Variants in PRR16 observed in about 807,000 individuals in gnomAD.
PRR16 encodes the protein protein Largen.
Under a neutral mutation model 18.2 loss-of-function variants are expected in PRR16, and 6 were observed. The observed-to-expected ratio is 0.33, with a 90% CI of 0.18 to 0.65. The LOEUF is 0.65. Ranked by LOEUF, PRR16 falls within the 30% of genes least tolerant of loss-of-function variation. The pLI is 0.74. For missense variants in PRR16, 412 were observed against 376.6 expected (o/e 1.09, Z -0.78); for synonymous variants, 151 against 147.8 (o/e 1.02, Z -0.16).
intron 1 of PRR16, among the ~76,000 whole-genome samples, chr5:120,661,815 A>G (rs1364972010): frequency 6.6e-6 from 1 of 151,984 alleles, no homozygotes; most frequent in Non-Finnish European, 1.5e-5. Flanking sequence ...GAATTCCCCA[A>G]CCATTGTTTT....
the PRR16 span, among the ~76,000 whole-genome samples, chr5:120,702,464 CAAG>C: frequency 6.6e-6 from 1 of 151,250 alleles, no homozygotes; most frequent in Non-Finnish European, 1.5e-5. Flanking sequence ...GGGGTAGAGA[CAAG>C]GAGAGAAGGG....
At chr5:120,471,880 G>C (rs893312132) in intron 1 of PRR16, among the ~76,000 whole-genome samples, 2 of 152,082 alleles carry the variant, frequency 1.3e-5, no homozygotes, top group Non-Finnish European at 2.9e-5. Flanking sequence ...AGACTCACAA[G>C]GTAGTCTGTC....
At chr5:120,487,430 A>G (rs980285288) in intron 1 of PRR16, among the ~76,000 whole-genome samples, 4 of 152,094 alleles carry the variant, frequency 2.6e-5, no homozygotes, top group African/African-American at 9.7e-5. Context: ...GCGTTCACTC[A>G]TGGTTTGGCT....
chr5:120,511,061 G>T (rs1210851756), intron 1 of PRR16, among the ~76,000 whole-genome samples: 1 of 152,054 alleles, frequency 6.6e-6, no homozygotes, highest in Non-Finnish European at 1.5e-5. Context: ...ATACACAAGC[G>T]CCCAGAAACT....
intron 1 of PRR16, among the ~76,000 whole-genome samples, chr5:120,579,215 G>A (rs1323717199): frequency 6.6e-6 from 1 of 152,100 alleles, no homozygotes; most frequent in Non-Finnish European, 1.5e-5. Flanking sequence ...TGTTCACTCT[G>A]ATGATAGTTT....
the PRR16 span, among the ~76,000 whole-genome samples, chr5:120,750,008 C>T: frequency 6.6e-6 from 1 of 152,004 alleles, no homozygotes; most frequent in African/African-American, 2.4e-5. Context: ...TGTTTGAAGC[C>T]AGAAAAAAAT....
At chr5:120,551,739 G>T (rs1416955220) in intron 1 of PRR16, among the ~76,000 whole-genome samples, 1 of 151,944 alleles carries the variant, frequency 6.6e-6, no homozygotes, top group Non-Finnish European at 1.5e-5. Context: ...TGGAACTAAT[G>T]TCAATGCAGG....
Position 120,485,852 on chromosome 5 carries a change from A to T in PRR16, c.159+21207A>T, listed in dbSNP as rs534175774. ...GTGTGATGTTCCCCTTCCTGTGTCC[A>T]TGTGTTCTCATTGTTCAATTCCCAC... On this transcript the variant is annotated intron_variant, in intron 1 of 1. Transcript: ENST00000407149. Among the ~76,000 whole-genome samples, 12 of 152,022 alleles carry T rather than the reference A, an allele frequency of 7.9e-5. No individual in the cohort carries two copies. The South Asian group carries it at 2.5e-3, about 32-fold the overall frequency.
chr5:120,754,584 TATTA>T, the PRR16 span, among the ~76,000 whole-genome samples: 1 of 106,544 alleles, frequency 9.4e-6, no homozygotes, highest in African/African-American at 3.7e-5. Context: ...ATATTTTATA[TATTA>T]TATATAATAT....
At chr5:120,652,273 A>G (rs960853446) in intron 1 of PRR16, among the ~76,000 whole-genome samples, 6 of 152,110 alleles carry the variant, frequency 3.9e-5, no homozygotes, top group Non-Finnish European at 7.4e-5. Context: ...GACATCATGA[A>G]TTGGACCTGT....
At chr5:120,782,019 C>A in the PRR16 span, among the ~76,000 whole-genome samples, 2 of 152,044 alleles carry the variant, frequency 1.3e-5, no homozygotes, top group Non-Finnish European at 2.9e-5. Flanking sequence ...ATAAATAGTT[C>A]AAGGCATTCT....
rs186380520 is a variant in PRR16 at position 120,490,486 on chromosome 5, G to C, written c.159+25841G>C. On this transcript the variant is annotated intron_variant, in intron 1 of 1. Transcript: ENST00000407149. ...GTATTCGTCACGTGGTTCTCGTGCC[G>C]TGGTTTTCAGCTCCATCAGGTCCTT... 2.9e-4 allele frequency among the ~76,000 whole-genome samples: 44 copies of C among 152,204 alleles called. 5 individuals are homozygous for C. The East Asian group carries it at 4.1e-3, about 14-fold the overall frequency.
At chr5:120,754,604 G>A in the PRR16 span, among the ~76,000 whole-genome samples, 124 of 75,510 alleles carry the variant, frequency 1.6e-3, no homozygotes, top group Middle Eastern at 0.013. Flanking sequence ...AATATATATC[G>A]TTATATATTA....
intron 1 of PRR16, among the ~76,000 whole-genome samples, chr5:120,671,970 C>T (rs1309549693): frequency 1.3e-5 from 2 of 152,180 alleles, no homozygotes; most frequent in East Asian, 3.9e-4. Flanking sequence ...TCCTTTGATT[C>T]TTGTATGTTT....
intron 1 of PRR16, among the ~76,000 whole-genome samples, chr5:120,665,606 C>G (rs139740329): frequency 6.6e-6 from 1 of 151,670 alleles, no homozygotes; most frequent in Admixed American, 6.6e-5. Context: ...ACATGTAAGT[C>G]TTTAATCCAT....
chr5:120,497,267 A>C (rs1168393079), intron 1 of PRR16, among the ~76,000 whole-genome samples: 1 of 150,008 alleles, frequency 6.7e-6, no homozygotes, highest in Non-Finnish European at 1.5e-5. Context: ...GTATGTTTCT[A>C]GTTACCCCGT....
At chr5:120,521,018 A>AG (rs1347023823) in intron 1 of PRR16, among the ~76,000 whole-genome samples, 5 of 152,164 alleles carry the variant, frequency 3.3e-5, no homozygotes, top group African/African-American at 9.6e-5. Flanking sequence ...AGTAAAGCAG[A>AG]GGGATAATTT....
At chr5:120,531,876 A>G (rs1751561634) in intron 1 of PRR16, among the ~76,000 whole-genome samples, 1 of 152,218 alleles carries the variant, frequency 6.6e-6, no homozygotes, top group African/African-American at 2.4e-5. Context: ...GAGCTATTGT[A>G]TACTAAGTTG....
At chr5:120,661,196 T>C (rs944728075) in intron 1 of PRR16, among the ~76,000 whole-genome samples, 22 of 152,236 alleles carry the variant, frequency 1.4e-4, no homozygotes, top group Middle Eastern at 6.8e-3. Flanking sequence ...GAAACTGTTA[T>C]GTCTGTTGTC....
Sources: allele counts gnomAD v4.1 joint callset (sites outside exome capture counted in the v4.1 genomes callset), GRCh38; gene constraint gnomAD v4.1.1; transcripts MANE v1.5; gene names NCBI Gene and HGNC (gene_info 2026-07-23, HGNC 2026-07-21).